The following VPS13D variants were observed in gnomAD, a reference collection of about 807,000 sequenced individuals.
VPS13D encodes vacuolar protein sorting 13 homolog D.
In VPS13D, 187 loss-of-function variants were observed where a neutral mutation model predicts 461.9. The ratio of observed to expected loss-of-function variants is 0.40; its 90% CI spans 0.36 to 0.46. VPS13D has a LOEUF of 0.46. Ranked by LOEUF, VPS13D falls within the 20% of genes least tolerant of loss-of-function variation. The probability of loss-of-function intolerance (pLI) is 0.60; values close to 1 mark genes in which losing one functional copy is unlikely to be tolerated. For missense variants in VPS13D, 4,711 were observed against 5,364.9 expected, an observed-to-expected ratio of 0.88 and a Z score of 3.81; for synonymous variants, 1,951 against 1,986.3, an observed-to-expected ratio of 0.98 and a Z score of 0.47.
intron 67 of VPS13D, among the ~76,000 whole-genome samples, chr1:12,489,441 T>C (rs1218150584): frequency 2.6e-5 from 4 of 152,376 alleles, no homozygotes; most frequent in African/African-American, 9.6e-5. Context: ...AATGATTTCT[T>C]GAATCAACAT....
intron 65 of VPS13D, among the ~76,000 whole-genome samples, chr1:12,430,360 G>A (rs1644976513): frequency 6.6e-6 from 1 of 152,148 alleles, no homozygotes; most frequent in African/African-American, 2.4e-5. Context: ...GGTCAAACAG[G>A]GAGTTTGTGG....
Position 12,279,184 on chromosome 1 carries a change from G to T in VPS13D, c.4451-315G>T, listed in dbSNP as rs528628369. Among the ~76,000 whole-genome samples, 3 of 152,350 alleles carry T rather than the reference G, an allele frequency of 2.0e-5. No homozygotes were observed. The highest frequency in any genetic ancestry group is 7.2e-5 in the African/African-American group (3 of 41,584). On this transcript the variant is annotated intron_variant, in intron 19 of 69. Transcript: ENST00000620676. The surrounding 1 kb of genome is among the most constrained non-coding windows in gnomAD (Gnocchi z 4.3). ...GGAAAATGCCAGCTTGGGTGGCTCA[G>T]AGAAGCATAATGTAGTCTCTGGACT...
At chr1:12,341,715 T>C (rs1569952763) in intron 40 of VPS13D, 65 bp from the exon 41 acceptor site, 1 of 1,475,940 alleles carries the variant, frequency 6.8e-7, no homozygotes, top group Non-Finnish European at 9.4e-7. Flanking sequence ...TGTCTCCAGG[T>C]TGGGGGAGGG....
Position 12,460,334 on chromosome 1 carries a change from C to T in VPS13D, c.12600C>T (p.Ala4200=), listed in dbSNP as rs1645392829. ...CTGTAACCAAGCCAGTGGCAGGCGC[C>T]CTGGATTTTGCATCAGAAACAGCCC... ...VGTVTKPVAG[A]LDFASETAQA... The change falls in exon 67 of 70, where the codon GCC becomes GCT. Residue 4200 remains alanine, a synonymous_variant. Coordinates refer to ENST00000620676, the MANE Select transcript of VPS13D (RefSeq NM_015378.4). 1 of 1,612,924 alleles carries T rather than the reference C, an allele frequency of 6.2e-7. No homozygotes were observed. The highest frequency in any genetic ancestry group is 1.3e-5 in the African/African-American group (1 of 74,852).
Position 12,512,013 on chromosome 1 carries a change from T to A in VPS13D, c.*2989T>A, listed in dbSNP as rs1646189020. 6.6e-6 allele frequency: 1 copy of A among 152,256 alleles called. No homozygotes were observed. The highest frequency in any genetic ancestry group is 6.5e-5 in the Admixed American group (1 of 15,284). 9.4% of individuals were successfully genotyped at this position (152,256 alleles called of 1,614,324 possible). A position where few individuals can be genotyped will look rare whatever the true frequency, so the allele number is the denominator to read the frequency against. On this transcript the variant is annotated 3_prime_UTR_variant, in exon 70 of 70. Coordinates refer to ENST00000620676, the MANE Select transcript of VPS13D (RefSeq NM_015378.4). Reference sequence around the variant, plus strand: ...CTCATATCAGAGTCATCATTTTTCTTCCTGTGGAATAAAATGCCTTGTGGA... The same window carrying A: ...CTCATATCAGAGTCATCATTTTTCTACCTGTGGAATAAAATGCCTTGTGGA...
chr1:12,361,371 T>TTTTA (rs926728174), intron 50 of VPS13D, among the ~76,000 whole-genome samples: 1,587 of 142,198 alleles, frequency 0.011, 20 homozygotes, highest in Middle Eastern at 0.04. Flanking sequence ...TTATTTTTAT[T>TTTTA]TTTATTTATT....
At chr1:12,264,987 G>A (rs1283850417) in intron 13 of VPS13D, among the ~76,000 whole-genome samples, 4 of 152,026 alleles carry the variant, frequency 2.6e-5, no homozygotes, top group Non-Finnish European at 5.9e-5. Context: ...AAAATCCCAG[G>A]GCCCTTAAGA....
Position 12,279,766 on chromosome 1 carries a change from C to G in VPS13D, c.4602+116C>G. 2.1e-6 allele frequency: 2 copies of G among 934,384 alleles called. No homozygotes were observed. The highest frequency in any genetic ancestry group is 2.9e-6 in the Non-Finnish European group (2 of 680,072). The allele number at this position is 934,384 out of a possible 1,614,324, so 57.9% of individuals were successfully genotyped here. On this transcript the variant is annotated intron_variant, in intron 20 of 69. Coordinates refer to ENST00000620676, the MANE Select transcript of VPS13D (RefSeq NM_015378.4). This position sits in a 1 kb window ranked among gnomAD's most constrained non-coding sequence, Gnocchi z 4.3. Reference sequence around the variant, plus strand: ...AATATATATTTTCAAAGATATATCACCCATGCATAATACCATTGTTGAAAC... The same window carrying G: ...AATATATATTTTCAAAGATATATCAGCCATGCATAATACCATTGTTGAAAC...
chr1:12,406,272 T>C (rs1394719099), intron 63 of VPS13D, among the ~76,000 whole-genome samples: 1 of 151,660 alleles, frequency 6.6e-6, no homozygotes, highest in East Asian at 1.9e-4. Flanking sequence ...TGTCATTTAT[T>C]CAAAGAGTTT....
At chr1:12,434,908 A>G (rs12755144) in intron 65 of VPS13D, among the ~76,000 whole-genome samples, 1 of 152,202 alleles carries the variant, frequency 6.6e-6, no homozygotes, top group Non-Finnish European at 1.5e-5. Flanking sequence ...AGGAGTAACA[A>G]CAATGTTAAT....
chr1:12,272,392 GGTGTGTGTGTGTGTGTGTGTGTGT>G (rs60615824), intron 17 of VPS13D, among the ~76,000 whole-genome samples: 2 of 143,038 alleles, frequency 1.4e-5, no homozygotes, highest in African/African-American at 5.1e-5. Context: ...TTTTTGTTTT[GGTGTGTGTGTGTGTGTGTGTGTGT>G]GTGTGTGTGT....
chr1:12,240,767 C>T (rs1640325457), intron 2 of VPS13D, among the ~76,000 whole-genome samples: 1 of 123,192 alleles, frequency 8.1e-6, no homozygotes, highest in African/African-American at 3.2e-5. Context: ...GGTTGTTTCG[C>T]TGGGGTTACA....
chr1:12,318,464 C>T, intron 31 of VPS13D, 127 bp downstream of exon 31: 3 of 1,227,546 alleles, frequency 2.4e-6, no homozygotes, highest in South Asian at 1.5e-5. Context: ...GCCTCTTTTA[C>T]AGACCTGCAA....
chr1:12,365,703 CAAAA>C (rs796549722), intron 52 of VPS13D, among the ~76,000 whole-genome samples: 1 of 92,114 alleles, frequency 1.1e-5, no homozygotes. Context: ...GACTCTGTCT[CAAAA>C]AAAAAAAAAA....
Position 12,483,959 on chromosome 1 carries a change from C to G in VPS13D, c.12663-13541C>G, listed in dbSNP as rs374439187. On this transcript the variant is annotated intron_variant, in intron 67 of 69. Coordinates refer to ENST00000620676, the MANE Select transcript of VPS13D (RefSeq NM_015378.4). ...GTTGCAGTGAGCCGAGATGGTGCCA[C>G]TGCACTCCAGCTGGGCAACAGAGTG... is the stretch of plus-strand genomic sequence containing the variant. Among the ~76,000 whole-genome samples the G allele has an allele frequency of 1.1e-4, 17 of 150,584 alleles. No homozygotes were observed. The South Asian group carries it at 3.6e-3, about 32-fold the overall frequency.
intron 25 of VPS13D, among the ~76,000 whole-genome samples, chr1:12,302,625 C>CT (rs370888243): frequency 2.0e-5 from 3 of 152,010 alleles, no homozygotes; most frequent in Admixed American, 6.6e-5. Context: ...GTATAATGTG[C>CT]TTTTTTTGCA....
chr1:12,328,810 A>G (rs1244676878), intron 36 of VPS13D, among the ~76,000 whole-genome samples: 1 of 152,174 alleles, frequency 6.6e-6, no homozygotes, highest in Non-Finnish European at 1.5e-5. Flanking sequence ...AAGTGCTGGG[A>G]TTACAGGCAT....
chr1:12,496,360 C>T (rs1189014923), intron 67 of VPS13D, among the ~76,000 whole-genome samples: 1 of 152,236 alleles, frequency 6.6e-6, no homozygotes, highest in African/African-American at 2.4e-5. Context: ...TCAGTTATCC[C>T]AGCTGTGCAT....
chr1:12,434,843 C>T (rs972069992), intron 65 of VPS13D, among the ~76,000 whole-genome samples: 6 of 152,166 alleles, frequency 3.9e-5, no homozygotes, highest in Admixed American at 3.9e-4. Context: ...AAGCCAACAA[C>T]CTGTTTCCTT....
Sources: allele counts gnomAD v4.1 joint callset (sites outside exome capture counted in the v4.1 genomes callset), GRCh38; gene constraint gnomAD v4.1.1; non-coding constraint Gnocchi (gnomAD v3.1); transcripts MANE v1.5; gene names NCBI Gene and HGNC (gene_info 2026-07-23, HGNC 2026-07-21).